The following BLM variants were observed in gnomAD, a reference collection of about 807,000 sequenced individuals.
BLM encodes the protein recQ-like DNA helicase BLM.
BLM carries 95 observed loss-of-function variants against 135.3 expected under a neutral mutation model. The ratio of observed to expected loss-of-function variants is 0.70; its 90% CI spans 0.59 to 0.83. BLM has a LOEUF of 0.83. BLM is among the 40% of genes least tolerant of loss of function. The probability of loss-of-function intolerance (pLI) is 0.00; values close to 1 mark genes in which losing one functional copy is unlikely to be tolerated. For missense variants in BLM, 1,518 were observed against 1,663.9 expected (o/e 0.91, Z 1.53); for synonymous variants, 520 against 589.2 (o/e 0.88, Z 1.70).
chr15:90,754,105 A>T (rs548033488), intron 4 of BLM, among the ~76,000 whole-genome samples: 11 of 152,308 alleles, frequency 7.2e-5, no homozygotes, highest in Admixed American at 7.2e-4. Flanking sequence ...CTTGTCATTC[A>T]GTTTGCTTAA....
In BLM at chr15:90,760,632, A is replaced by T. The variant is rs773952896; in HGVS notation, c.1259A>T (p.Asp420Val). The T allele has an allele frequency of 6.2e-7, 1 of 1,612,484 alleles. No homozygotes were observed. Among genetic ancestry groups the T allele is most frequent in the Non-Finnish European group, 8.5e-7 (1 of 1,178,876 alleles). ...ACGGAAGTAGATTTTAATAAAAGTGATGCCAGTCTTCTTGGCTCATTGTGG... is the reference window on the plus strand; with the variant it reads ...ACGGAAGTAGATTTTAATAAAAGTGTTGCCAGTCTTCTTGGCTCATTGTGG... ...LLTEVDFNKS[D>V]ASLLGSLWRY... The change falls in exon 7 of 22, where the codon GAT becomes GTT. Residue 420 changes from aspartate to valine, a missense_variant. Asp to Val is a radical substitution (Grantham distance 152). Coordinates refer to ENST00000355112, the MANE Select transcript of BLM (RefSeq NM_000057.4).
intron 8 of BLM, 92 bp downstream of exon 8, chr15:90,763,249 A>AT: frequency 7.5e-7 from 1 of 1,336,516 alleles, no homozygotes; most frequent in Middle Eastern, 1.8e-4. Flanking sequence ...CCTACACAGT[A>AT]TTTCTATCAT....
chr15:90,721,002 G>T (rs1894750688), intron 1 of BLM, among the ~76,000 whole-genome samples: 1 of 151,998 alleles, frequency 6.6e-6, no homozygotes, highest in Non-Finnish European at 1.5e-5. Context: ...AGACCAGCCT[G>T]GGCAACATGG....
At position 90,760,972 on chromosome 15, in the gene BLM, G is replaced by T; in HGVS notation, c.1599G>T (p.Gln533His). 6.2e-7 allele frequency: 1 copy of T among 1,613,708 alleles called. No homozygotes were observed. Among genetic ancestry groups the T allele is most frequent in the East Asian group, 2.2e-5 (1 of 44,872 alleles). ...NVLTSTAVKD[Q>H]NKHTASINDL... is the part of the protein sequence containing the mutation. ...TCACAAGCACTGCTGTGAAAGATCAGAATAAACATACTGCTTCAATAAATG... is the reference window on the plus strand; with the variant it reads ...TCACAAGCACTGCTGTGAAAGATCATAATAAACATACTGCTTCAATAAATG... Residue 533 changes from glutamine (Q) to histidine (H), a missense_variant, in exon 7 of 22, where the codon CAG (glutamine) becomes CAT (histidine). This residue lies in a region of BLM where 724 missense variants were observed against 756.9 expected (regional missense o/e 0.96). Coordinates refer to ENST00000355112, the MANE Select transcript of BLM (RefSeq NM_000057.4).
Position 90,765,189 on chromosome 15 carries a change from G to T in BLM, c.2075-107G>T. 4.5e-6 allele frequency: 4 copies of T among 889,846 alleles called. No homozygotes were observed. The South Asian group carries it at 5.3e-5, about 12-fold the overall frequency. The allele number at this position is 889,846 out of a possible 1,614,324, so 55.1% of individuals were successfully genotyped here. The stretch of plus-strand genomic sequence containing the variant: ...AGTATGGCAAATTGTTGGCACCAGG[G>T]ACAATATGCCTTGGTGTCCTATTAA... On this transcript the variant is annotated intron_variant, in intron 8 of 21. Coordinates refer to ENST00000355112, the MANE Select transcript of BLM (RefSeq NM_000057.4).
At chr15:90,731,515 G>A (rs1292792101) in intron 1 of BLM, among the ~76,000 whole-genome samples, 1 of 152,056 alleles carries the variant, frequency 6.6e-6, no homozygotes, top group African/African-American at 2.4e-5. Context: ...CTATCTTTGT[G>A]GGTAGATTTT....
rs112415913 is a variant in BLM at position 90,779,837 on chromosome 15, A to G, written c.2556-2985A>G. 2.8e-3 allele frequency among the ~76,000 whole-genome samples: 432 copies of G among 152,326 alleles called. 1 individual carries two copies. Among genetic ancestry groups the G allele is most frequent in the Non-Finnish European group, 4.2e-3 (288 of 68,028 alleles). On this transcript the variant is annotated intron_variant, in intron 12 of 21. Transcript: ENST00000355112. ...TTCTTCACCCTTAACAGAAATAAGT[A>G]AAACACCGAAAGATATGAGGCCCTC...
intron 12 of BLM, among the ~76,000 whole-genome samples, chr15:90,778,516 T>C (rs145888572): frequency 1.9e-3 from 284 of 152,288 alleles, no homozygotes; most frequent in African/African-American, 6.5e-3. Context: ...TGCAGTTCAA[T>C]CTCCTTTTCC....
chr15:90,729,920 A>T (rs1048852924), intron 1 of BLM, among the ~76,000 whole-genome samples: 3 of 152,130 alleles, frequency 2.0e-5, no homozygotes, highest in African/African-American at 7.2e-5. Context: ...ATCTCGGCTC[A>T]CTGCAACCTC....
rs1895607104 is a variant in BLM at position 90,749,523 on chromosome 15, G to A, written c.255G>A (p.Arg85=). The A allele has an allele frequency of 2.5e-6, 4 of 1,613,994 alleles. No homozygotes were observed. The highest frequency in any genetic ancestry group is 3.4e-6 in the Non-Finnish European group (4 of 1,180,034). The change falls in exon 3 of 22, where the codon AGG becomes AGA. Residue 85 remains arginine, a synonymous_variant. Coordinates refer to ENST00000355112, the MANE Select transcript of BLM (RefSeq NM_000057.4). The part of the protein sequence containing the change: ...EPLPNTTNQQ[R]VKDFFKNAPA... ...TACCCAACACCACAAATCAGCAAAGGGTCAAGGACTTCTTTAAAAATGCTC... is the reference window on the plus strand; with the variant it reads ...TACCCAACACCACAAATCAGCAAAGAGTCAAGGACTTCTTTAAAAATGCTC...
chr15:90,783,079 A>G, intron 13 of BLM, 151 bp downstream of exon 13: 5 of 645,992 alleles, frequency 7.7e-6, no homozygotes, highest in Non-Finnish European at 8.3e-6. Context: ...CAACTCTCTC[A>G]ATTCTGGAAA....
rs28384996 is a variant in BLM, at chr15:90,752,615, A to T, written c.959+669A>T. 9.3e-3 allele frequency among the ~76,000 whole-genome samples: 1,411 copies of T among 152,354 alleles called. 17 individuals are homozygous for T. Among genetic ancestry groups the T allele is most frequent in the African/African-American group, 0.033 (1,361 of 41,574 alleles). ...GTACTTTTTAAAAAAATCCTACAGG[A>T]TAGAATTGGCCATTGTATTTGTTAT... On this transcript the variant is annotated intron_variant, in intron 4 of 21. Coordinates refer to ENST00000355112, the MANE Select transcript of BLM (RefSeq NM_000057.4).
chr15:90,745,668 C>T (rs2151143679), intron 1 of BLM, among the ~76,000 whole-genome samples: 1 of 152,286 alleles, frequency 6.6e-6, no homozygotes, highest in African/African-American at 2.4e-5. Context: ...ACCTCAGCCT[C>T]CTAAAGTGCT....
intron 8 of BLM, among the ~76,000 whole-genome samples, chr15:90,763,944 AT>A (rs1567042621): frequency 6.6e-6 from 1 of 152,194 alleles, no homozygotes; most frequent in Non-Finnish European, 1.5e-5. Flanking sequence ...TAGTGCTGTC[AT>A]TATTGTATAA....
chr15:90,785,914 A>C (rs1896735007), intron 14 of BLM, among the ~76,000 whole-genome samples: 1 of 151,920 alleles, frequency 6.6e-6, no homozygotes, highest in African/African-American at 2.4e-5. Context: ...TTTTATGGTC[A>C]GATAATATTC....
At chr15:90,774,013 G>T (rs1896400742) in intron 12 of BLM, among the ~76,000 whole-genome samples, 1 of 143,544 alleles carries the variant, frequency 7.0e-6, no homozygotes, top group Non-Finnish European at 1.5e-5. Context: ...GTAACTGTAT[G>T]ATTAACCTTT....
rs372668612 is a variant in BLM, at chr15:90,749,529, G to A, written c.261G>A (p.Lys87=). 6.6e-5 allele frequency: 106 copies of A among 1,614,038 alleles called. No homozygotes were observed. In the South Asian group the frequency reaches 1.1e-3, roughly 17 times the overall value. ...ACACCACAAATCAGCAAAGGGTCAA[G>A]GACTTCTTTAAAAATGCTCCAGCAG... ...LPNTTNQQRV[K]DFFKNAPAGQ... is the part of the protein sequence containing the mutation. The change falls in exon 3 of 22, where the codon AAG becomes AAA. Residue 87 remains lysine, a synonymous_variant. Coordinates refer to ENST00000355112, the MANE Select transcript of BLM (RefSeq NM_000057.4).
At chr15:90,745,775 T>C (rs1895485401) in intron 1 of BLM, among the ~76,000 whole-genome samples, 1 of 152,116 alleles carries the variant, frequency 6.6e-6, no homozygotes, top group African/African-American at 2.4e-5. Flanking sequence ...ATTTTGAAAC[T>C]TACGATAAAA....
In BLM at chr15:90,809,104, A is replaced by C. The variant is rs753276761; in HGVS notation, c.3752-33A>C. The C allele has an allele frequency of 1.3e-5, 21 of 1,613,230 alleles. No individual in the cohort carries two copies. The African/African-American group carries it at 2.8e-4, about 22-fold the overall frequency. On this transcript the variant is annotated intron_variant, in intron 19 of 21. Transcript: ENST00000355112. ...ATTCAGTGGGTTTTCTATGGGTGAT[A>C]ATTTAAATTCCTAATTTTATGCCTT...
Sources: gnomAD v4.1 joint callset for allele counts (sites outside exome capture counted in the v4.1 genomes callset) on GRCh38, gnomAD v4.1.1 for gene constraint, gnomAD v4.1.1 regional missense constraint, MANE v1.5 for transcripts, NCBI Gene and HGNC (gene_info 2026-07-23, HGNC 2026-07-21) for gene names.